NAALADL2: variants seen among roughly 807,000 people sequenced by gnomAD.
The protein encoded by NAALADL2 is N-acetylated alpha-linked acidic dipeptidase like 2.
In NAALADL2, 76 loss-of-function variants were observed where a neutral mutation model predicts 87.2. The observed-to-expected ratio is 0.87, with a 90% CI of 0.72 to 1.05. The LOEUF (loss-of-function observed/expected upper bound fraction) is 1.05. Among genes scored for constraint, NAALADL2 ranks in the 50% least tolerant of loss-of-function variants. The probability of loss-of-function intolerance (pLI) is 0.00; values close to 1 mark genes in which losing one functional copy is unlikely to be tolerated. For synonymous variants in NAALADL2, 354 were observed against 331.0 expected, an observed-to-expected ratio of 1.07 and a Z score of -0.75; for missense variants, 1,089 against 945.8, an observed-to-expected ratio of 1.15 and a Z score of -1.99.
At chr3:175,511,914 C>T (rs1197710510) in intron 9 of NAALADL2, among the ~76,000 whole-genome samples, 2 of 152,140 alleles carry the variant, frequency 1.3e-5, no homozygotes, top group South Asian at 2.1e-4. Flanking sequence ...GATTATGCTT[C>T]AATCAATAGT....
intron 1 of NAALADL2, among the ~76,000 whole-genome samples, chr3:174,979,536 G>A (rs1182579459): frequency 4.0e-5 from 6 of 151,450 alleles, no homozygotes; most frequent in Non-Finnish European, 7.4e-5. Context: ...CCATCTGCTG[G>A]CCTCGTGATC....
chr3:175,702,916 GAAAA>G (rs998556667), intron 11 of NAALADL2, among the ~76,000 whole-genome samples: 1 of 145,536 alleles, frequency 6.9e-6, no homozygotes, highest in Non-Finnish European at 1.5e-5. Flanking sequence ...TTGAGGAAAA[GAAAA>G]AAAAAAGGAG....
At chr3:174,903,991 A>ATCTATT (rs1560345366) in intron 1 of NAALADL2, among the ~76,000 whole-genome samples, 9 of 149,516 alleles carry the variant, frequency 6.0e-5, no homozygotes, top group African/African-American at 2.2e-4. Context: ...CTATTTCTAT[A>ATCTATT]TCTATATCTA....
intron 10 of NAALADL2, among the ~76,000 whole-genome samples, chr3:175,594,502 T>G (rs1330611622): frequency 6.6e-6 from 1 of 152,170 alleles, no homozygotes; most frequent in Non-Finnish European, 1.5e-5. Context: ...GGTGGAATAA[T>G]TTATTTCCCC....
intron 11 of NAALADL2, among the ~76,000 whole-genome samples, chr3:175,714,842 A>T (rs1037415173): frequency 1.3e-5 from 2 of 152,268 alleles, no homozygotes; most frequent in African/African-American, 4.8e-5. Flanking sequence ...CAAAAAACTG[A>T]AACTGGACCC....
chr3:175,181,313 T>A (rs1174111714), intron 2 of NAALADL2, among the ~76,000 whole-genome samples: 1 of 152,002 alleles, frequency 6.6e-6, no homozygotes, highest in East Asian at 1.9e-4. Context: ...CATATATAAA[T>A]TTATGTGGCA....
intron 4 of NAALADL2, among the ~76,000 whole-genome samples, chr3:175,285,472 A>T (rs1754867318): frequency 6.6e-6 from 1 of 152,152 alleles, no homozygotes; most frequent in Admixed American, 6.5e-5. Context: ...TTTATAAGGA[A>T]TACTTTGAGC....
chr3:174,459,819 T>C (rs1716084278), intron 1 of NAALADL2: 1 of 152,172 alleles, frequency 6.6e-6, no homozygotes, highest in Non-Finnish European at 1.5e-5. Flanking sequence ...GGATGTTATA[T>C]TGTATGTGCT....
At chr3:175,793,548 C>T (rs1312599802) in intron 13 of NAALADL2, among the ~76,000 whole-genome samples, 2 of 152,018 alleles carry the variant, frequency 1.3e-5, no homozygotes, top group African/African-American at 2.4e-5. Flanking sequence ...ATCTCCTGAC[C>T]TCGTGATCTG....
intron 1 of NAALADL2, among the ~76,000 whole-genome samples, chr3:175,039,316 G>T (rs1314978921): frequency 6.6e-6 from 1 of 152,052 alleles, no homozygotes; most frequent in African/African-American, 2.4e-5. Flanking sequence ...ACAGGCATGT[G>T]CCACGACGCC....
chr3:175,228,000 G>C (rs1744404281), intron 2 of NAALADL2, among the ~76,000 whole-genome samples: 1 of 151,966 alleles, frequency 6.6e-6, no homozygotes, highest in African/African-American at 2.4e-5. Flanking sequence ...TATTGCCACT[G>C]TTTATGAAGA....
At position 175,639,381 on chromosome 3, in the gene NAALADL2, T is replaced by C. The variant is rs867265647; in HGVS notation, c.1896+11995T>C. Among the ~76,000 whole-genome samples, 47 of 143,068 alleles carry C rather than the reference T, an allele frequency of 3.3e-4. No homozygotes were observed. The Middle Eastern group carries it at 0.012, about 37-fold the overall frequency. 93.9% of individuals were successfully genotyped at this position (143,068 alleles called of 152,430 possible). ...TGTTGCCCAGGCTGGAGTGCAGTGG[T>C]GCAATCTCGGCTCACTGCAAGCTCC... On this transcript the variant is annotated intron_variant, in intron 11 of 13. Transcript: ENST00000454872.
chr3:175,474,971 G>A (rs1725464707), intron 9 of NAALADL2, among the ~76,000 whole-genome samples: 1 of 151,366 alleles, frequency 6.6e-6, no homozygotes, highest in African/African-American at 2.4e-5. Flanking sequence ...TATTCATATT[G>A]AAGGAGCATT....
chr3:175,510,204 A>C (rs758513046), intron 9 of NAALADL2, among the ~76,000 whole-genome samples: 9 of 152,152 alleles, frequency 5.9e-5, no homozygotes, highest in South Asian at 2.1e-4. Context: ...AAACCATCAG[A>C]TCTCATGAGA....
intron 11 of NAALADL2, among the ~76,000 whole-genome samples, chr3:175,716,027 G>C (rs892687883): frequency 6.6e-6 from 1 of 150,750 alleles, no homozygotes; most frequent in Non-Finnish European, 1.5e-5. Context: ...GCTGTGTATA[G>C]AGTCATGAAC....
At chr3:174,592,029 A>T (rs1234291883) in intron 2 of NAALADL2, among the ~76,000 whole-genome samples, 3 of 152,130 alleles carry the variant, frequency 2.0e-5, no homozygotes, top group African/African-American at 7.2e-5. Flanking sequence ...AAGAAGTGTC[A>T]TACGTGTGTG....
rs534379312 is a variant in NAALADL2, at chr3:174,839,018, A to G, written c.-9+101272A>G. 1.8e-4 allele frequency among the ~76,000 whole-genome samples: 27 copies of G among 152,308 alleles called. 1 individual carries two copies. The highest frequency in any genetic ancestry group is 6.0e-4 in the African/African-American group (25 of 41,578). On this transcript the variant is annotated intron_variant, in intron 3 of 3. Transcript: ENST00000434257. Reference sequence around the variant, plus strand: ...AATCCCAAAGTTCATAAGGAACCAAAAGAGAGCCCGCATAGCCAAAGCAAG... The same window carrying G: ...AATCCCAAAGTTCATAAGGAACCAAGAGAGAGCCCGCATAGCCAAAGCAAG...
intron 11 of NAALADL2, among the ~76,000 whole-genome samples, chr3:175,717,157 T>C (rs1282877008): frequency 6.6e-6 from 1 of 152,126 alleles, no homozygotes; most frequent in Non-Finnish European, 1.5e-5. Flanking sequence ...GACGAGTATC[T>C]TGGCCTCAAG....
rs544628875 is a variant in NAALADL2, at chr3:175,716,412, A to G, written c.1897-20894A>G. 1.4e-4 allele frequency among the ~76,000 whole-genome samples: 21 copies of G among 150,920 alleles called. No homozygotes were observed. The South Asian group carries it at 4.4e-3, about 31-fold the overall frequency. On this transcript the variant is annotated intron_variant, in intron 11 of 13. Coordinates refer to ENST00000454872, the MANE Select transcript of NAALADL2 (RefSeq NM_207015.3). ...ACACTAACAAAAAGTCTATGAAACT[A>G]AAAAGCCGACTGCTCTAAGAGATAA...
Sources: allele counts gnomAD v4.1 joint callset (sites outside exome capture counted in the v4.1 genomes callset), GRCh38; gene constraint gnomAD v4.1.1; transcripts MANE v1.5; gene names NCBI Gene and HGNC (gene_info 2026-07-23, HGNC 2026-07-21).